The following CSMD2 variants were observed in gnomAD, a reference collection of about 807,000 sequenced individuals.
The protein encoded by CSMD2 is CUB and sushi domain-containing protein 2.
CSMD2 carries 130 observed loss-of-function variants against 398.5 expected under a neutral mutation model. The ratio of observed to expected loss-of-function variants is 0.33; its 90% CI spans 0.28 to 0.38. The LOEUF (loss-of-function observed/expected upper bound fraction) is 0.38, where lower values mean the gene tolerates loss of function less well. CSMD2 is among the 10% of genes least tolerant of loss of function. The pLI, the probability that CSMD2 is intolerant of heterozygous loss-of-function variation, is 1.00. For synonymous variants in CSMD2, 1,828 were observed against 1,908.5 expected, an observed-to-expected ratio of 0.96 and a Z score of 1.10; for missense variants, 3,829 against 4,764.9, an observed-to-expected ratio of 0.80 and a Z score of 5.78.
At chr1:34,080,487 C>A (rs1454417036) in intron 2 of CSMD2, among the ~76,000 whole-genome samples, 1 of 151,996 alleles carries the variant, frequency 6.6e-6, no homozygotes, top group Non-Finnish European at 1.5e-5. Flanking sequence ...AACAAGTCAA[C>A]AAATTCTCCA....
At chr1:33,777,303 G>A (rs1030772730) in intron 12 of CSMD2, among the ~76,000 whole-genome samples, 2 of 152,124 alleles carry the variant, frequency 1.3e-5, no homozygotes, top group Non-Finnish European at 2.9e-5. Flanking sequence ...GAAGGAAGAG[G>A]AAGAACAGAG....
Position 33,519,008 on chromosome 1 carries a change from G to T in CSMD2, c.*53+457C>A, listed in dbSNP as rs60146414. On this transcript the variant is annotated intron_variant, in intron 70 of 70. Coordinates refer to ENST00000373381, the MANE Select transcript of CSMD2 (RefSeq NM_001281956.2). This position sits in a 1 kb window ranked among gnomAD's most constrained non-coding sequence, Gnocchi z 5.6. ...ACAGATATATGTGCATCTCTGTATA[G>T]CTCTACAGATCTCCAGGGCTTGACT... is the stretch of plus-strand genomic sequence containing the variant. 0.013 allele frequency among the ~76,000 whole-genome samples: 1,953 copies of T among 152,054 alleles called. 48 individuals carry two copies. Among genetic ancestry groups the T allele is most frequent in the African/African-American group, 0.044 (1,838 of 41,418 alleles).
chr1:34,063,135 A>T (rs576267074), intron 2 of CSMD2, among the ~76,000 whole-genome samples: 1 of 152,284 alleles, frequency 6.6e-6, no homozygotes, highest in East Asian at 1.9e-4. Context: ...TTCCCACAGC[A>T]TGTAGGAATT....
chr1:33,725,292 CT>C (rs1380809130), intron 17 of CSMD2, 56 bp downstream of exon 17: 2 of 1,509,080 alleles, frequency 1.3e-6, no homozygotes, highest in Non-Finnish European at 1.8e-6. Flanking sequence ...GTCCTGAGGC[CT>C]TTGACCCACC....
intron 59 of CSMD2, 48 bp from the exon 60 acceptor site, chr1:33,540,746 C>G (rs750896532): frequency 7.5e-6 from 12 of 1,602,676 alleles, no homozygotes; most frequent in Non-Finnish European, 1.0e-5. Context: ...TCCTGGGAAA[C>G]CAGCCCCCGT....
chr1:33,881,436 G>A (rs1034785007), intron 5 of CSMD2, among the ~76,000 whole-genome samples: 16 of 152,162 alleles, frequency 1.1e-4, no homozygotes, highest in African/African-American at 3.9e-4. Flanking sequence ...AAAAATGTGG[G>A]GAAGGTCGTT....
intron 1 of CSMD2, among the ~76,000 whole-genome samples, chr1:34,153,544 C>A (rs1027744997): frequency 6.6e-6 from 1 of 152,216 alleles, no homozygotes; most frequent in South Asian, 2.1e-4. Flanking sequence ...GTACACTCAG[C>A]ACTGAAACTT....
intron 24 of CSMD2, among the ~76,000 whole-genome samples, chr1:33,696,385 A>G (rs1645419238): frequency 6.6e-6 from 1 of 152,208 alleles, no homozygotes; most frequent in African/African-American, 2.4e-5. Context: ...GAAGGGTTGC[A>G]GGAGAGGCCC....
At chr1:33,731,775 T>G (rs1317078114) in intron 15 of CSMD2, among the ~76,000 whole-genome samples, 1 of 152,228 alleles carries the variant, frequency 6.6e-6, no homozygotes, top group Non-Finnish European at 1.5e-5. Flanking sequence ...CATGGAAATT[T>G]GATTATATTA....
At chr1:33,569,257 G>T in intron 52 of CSMD2, 117 bp downstream of exon 52, 3 of 1,116,418 alleles carry the variant, frequency 2.7e-6, no homozygotes, top group Non-Finnish European at 2.5e-6. Flanking sequence ...TTTGGATTAA[G>T]CATTTTATGT....
At chr1:33,836,327 G>A (rs1238645966) in intron 6 of CSMD2, among the ~76,000 whole-genome samples, 2 of 152,222 alleles carry the variant, frequency 1.3e-5, no homozygotes, top group African/African-American at 2.4e-5. Flanking sequence ...CACTTGAGGA[G>A]GCAGTCTGCC....
intron 5 of CSMD2, among the ~76,000 whole-genome samples, chr1:33,884,098 A>G (rs559113904): frequency 6.6e-6 from 1 of 151,536 alleles, no homozygotes; most frequent in South Asian, 2.1e-4. Context: ...AGCGCAATCA[A>G]CTCCATGCCC....
At chr1:33,950,470 C>T (rs1570604278) in intron 3 of CSMD2, among the ~76,000 whole-genome samples, 1 of 148,722 alleles carries the variant, frequency 6.7e-6, no homozygotes, top group South Asian at 2.1e-4. Flanking sequence ...GTTACATGAG[C>T]ATGTGTGTGT....
At chr1:33,842,875 G>A (rs1660994587) in intron 6 of CSMD2, among the ~76,000 whole-genome samples, 1 of 152,228 alleles carries the variant, frequency 6.6e-6, no homozygotes, top group African/African-American at 2.4e-5. Flanking sequence ...TTAGACGCAT[G>A]GAAGTAGTTG....
At chr1:33,791,653 A>C (rs999196625) in intron 11 of CSMD2, among the ~76,000 whole-genome samples, 21 of 151,976 alleles carry the variant, frequency 1.4e-4, no homozygotes, top group African/African-American at 4.6e-4. Flanking sequence ...ACATCCAGCT[A>C]ATTTTTGAAT....
intron 5 of CSMD2, among the ~76,000 whole-genome samples, chr1:33,917,886 A>G (rs563663556): frequency 2.6e-5 from 4 of 152,344 alleles, no homozygotes; most frequent in African/African-American, 9.6e-5. Context: ...TTCAAATCAG[A>G]TATCAAAATC....
At chr1:33,874,747 C>T (rs553945445) in intron 5 of CSMD2, among the ~76,000 whole-genome samples, 184 of 152,336 alleles carry the variant, frequency 1.2e-3, no homozygotes, top group African/African-American at 4.3e-3. Context: ...GGCTCCCAGA[C>T]AGAATCAGCA....
intron 29 of CSMD2, among the ~76,000 whole-genome samples, chr1:33,640,031 G>T (rs181378547): frequency 3.3e-5 from 5 of 152,228 alleles, no homozygotes; most frequent in African/African-American, 4.8e-5. Flanking sequence ...CCAAAATCAG[G>T]TCTTTAGTCA....
chr1:33,932,739 G>T (rs1487021083), intron 4 of CSMD2, among the ~76,000 whole-genome samples: 3 of 152,174 alleles, frequency 2.0e-5, no homozygotes, highest in Non-Finnish European at 2.9e-5. Flanking sequence ...TTAACATCCA[G>T]CCCCAGAGTG....
Sources: allele counts gnomAD v4.1 joint callset (sites outside exome capture counted in the v4.1 genomes callset), GRCh38; gene constraint gnomAD v4.1.1; non-coding constraint Gnocchi (gnomAD v3.1); transcripts MANE v1.5; gene names NCBI Gene and HGNC (gene_info 2026-07-23, HGNC 2026-07-21).